KIF1A: variants seen among roughly 807,000 people sequenced by gnomAD.
KIF1A encodes kinesin family member 1A.
A neutral mutation model predicts 227.3 loss-of-function variants in KIF1A; 46 were observed. The observed-to-expected ratio is 0.20, with a 90% CI of 0.16 to 0.26. The LOEUF (loss-of-function observed/expected upper bound fraction) is 0.26. KIF1A is among the 10% of genes least tolerant of loss of function. The probability of loss-of-function intolerance (pLI) is 1.00; values close to 1 mark genes in which losing one functional copy is unlikely to be tolerated. For missense variants in KIF1A, 1,683 were observed against 2,485.9 expected (o/e 0.68, Z 6.87); for synonymous variants, 1,022 against 1,012.8 (o/e 1.01, Z -0.17).
Position 240,764,979 on chromosome 2 carries a change from G to A in KIF1A, c.1768+731C>T, listed in dbSNP as rs538362156. Among the ~76,000 whole-genome samples the A allele has an allele frequency of 1.6e-4, 25 of 152,164 alleles. No individual in the cohort carries two copies. The South Asian group carries it at 4.4e-3, about 27-fold the overall frequency. On this transcript the variant is annotated intron_variant, in intron 20 of 48. Coordinates refer to ENST00000498729, the MANE Select transcript of KIF1A (RefSeq NM_001244008.2). The stretch of plus-strand genomic sequence containing the variant: ...CACCTGCCCATGGATTTCAAACTTC[G>A]CTGACCAGCCCCACCATCTGATAAG...
At chr2:240,782,281 CGCGCCCCTT>C in intron 10 of KIF1A, 2 of 853,746 alleles carry the variant, frequency 2.3e-6, no homozygotes, top group Non-Finnish European at 2.8e-6. Context: ...GGGGCTCCTC[CGCGCCCCTT>C]TCAGCTCCTC....
rs563534053 is a variant in KIF1A, at chr2:240,787,107, G to A, written c.429+144C>T. On this transcript the variant is annotated intron_variant, in intron 5 of 48. Coordinates refer to ENST00000498729, the MANE Select transcript of KIF1A (RefSeq NM_001244008.2). Reference sequence around the variant, plus strand: ...GTCTCGAGCCCTGCCCAGGCCCGCCGTCTTGCCTGCCACTTGGATGAGTGA... The same window carrying A: ...GTCTCGAGCCCTGCCCAGGCCCGCCATCTTGCCTGCCACTTGGATGAGTGA... 3.4e-4 allele frequency: 239 copies of A among 693,324 alleles called. 1 individual carries two copies. Among genetic ancestry groups the A allele is most frequent in the African/African-American group, 1.7e-3 (100 of 57,210 alleles). The allele number at this position is 693,324 out of a possible 1,614,324, so 42.9% of individuals were successfully genotyped here.
intron 1 of KIF1A, among the ~76,000 whole-genome samples, chr2:240,815,233 T>C (rs948516204): frequency 6.6e-6 from 1 of 152,080 alleles, no homozygotes; most frequent in Non-Finnish European, 1.5e-5. Context: ...ACCTTGAGCA[T>C]TGACTGCCCA....
Position 240,719,895 on chromosome 2 carries a change from G to A in KIF1A, c.4900C>T (p.Pro1634Ser). The A allele has an allele frequency of 2.5e-6, 4 of 1,611,418 alleles. No homozygotes were observed. The highest frequency in any genetic ancestry group is 1.7e-5 in the Admixed American group (1 of 59,920). The stretch of plus-strand genomic sequence containing the variant: ...GCCTCTGGCAGCAGCTCGGGCTCTG[G>A]GCTGGCTGGCCGGGAGCAGGGCTGC... The part of the protein sequence containing the change: ...TPQPCSRPAS[P>S]EPELLPEADS... The change falls in exon 46 of 49, where the codon CCA (proline) becomes TCA (serine). Residue 1634 changes from proline (P) to serine (S), a missense_variant. Pro to Ser is a moderately conservative substitution (Grantham distance 74, BLOSUM62 -1). Coordinates refer to ENST00000498729, the MANE Select transcript of KIF1A (RefSeq NM_001244008.2).
chr2:240,772,627 A>T, intron 13 of KIF1A, 31 bp from the exon 14 acceptor site: 2 of 1,510,842 alleles, frequency 1.3e-6, no homozygotes, highest in Non-Finnish European at 1.8e-6. Flanking sequence ...GGGGAGGGGG[A>T]GAGACAGAGA....
In KIF1A at chr2:240,775,855, GT is replaced by G; in HGVS notation, c.953del (p.Asn318ThrfsTer14). ...DSVLTWLLRENLGGNSRTAMV... is the reference protein window; with the variant it reads ...DSVLTWLLREXLGGNSRTAMV... ...GGCAAACCCACAAGTTCTCACCCAG[GT>G]TTTCCCGGAGGAGCCAGGTCAACAC... is the stretch of plus-strand genomic sequence containing the variant. On this transcript the variant is annotated frameshift_variant, in exon 11 of 49. Coordinates refer to ENST00000498729, the MANE Select transcript of KIF1A (RefSeq NM_001244008.2). LOFTEE classifies it high-confidence loss of function. The surrounding 1 kb of genome is among the most constrained non-coding windows in gnomAD (Gnocchi z 5.5). 6.2e-7 allele frequency: 1 copy of G among 1,605,344 alleles called. No individual in the cohort carries two copies. Among genetic ancestry groups the G allele is most frequent in the Non-Finnish European group, 8.5e-7 (1 of 1,171,980 alleles).
At position 240,719,365 on chromosome 2, in the gene KIF1A, G is replaced by T. The variant is rs192844774; in HGVS notation, c.5022-167C>A. Among the ~76,000 whole-genome samples, 327 of 152,312 alleles carry T rather than the reference G, an allele frequency of 2.1e-3. 2 individuals carry two copies. The highest frequency in any genetic ancestry group is 7.5e-3 in the African/African-American group (313 of 41,576). ...CACCTGGCAGAACCCCAACCCAGCA[G>T]GCCGGAGACCAGACCACCAAGCCAG... On this transcript the variant is annotated intron_variant, in intron 46 of 48. Coordinates refer to ENST00000498729, the MANE Select transcript of KIF1A (RefSeq NM_001244008.2).
chr2:240,772,626 G>C, intron 13 of KIF1A, 30 bp from the exon 14 acceptor site: 2 of 1,509,636 alleles, frequency 1.3e-6, no homozygotes, highest in Non-Finnish European at 1.8e-6. Context: ...GGGGGAGGGG[G>C]AGAGACAGAG....
In KIF1A at chr2:240,714,686, G is replaced by C. The variant is rs2044452591; in HGVS notation, c.*2678C>G. 1 of 152,190 alleles carries C rather than the reference G, an allele frequency of 6.6e-6. No individual in the cohort carries two copies. The highest frequency in any genetic ancestry group is 1.5e-5 in the Non-Finnish European group (1 of 68,052). 9.4% of individuals were successfully genotyped at this position (152,190 alleles called of 1,614,324 possible). Reference sequence around the variant, plus strand: ...AGGAAGGCAGCTAACGTGGTCCCTAGGTGGTTTCTGGCAGAGCGAACTTTT... The same window carrying C: ...AGGAAGGCAGCTAACGTGGTCCCTACGTGGTTTCTGGCAGAGCGAACTTTT... On this transcript the variant is annotated 3_prime_UTR_variant, in exon 49 of 49. Coordinates refer to ENST00000498729, the MANE Select transcript of KIF1A (RefSeq NM_001244008.2).
intron 34 of KIF1A, 47 bp from the exon 35 acceptor site, chr2:240,741,424 T>C: frequency 2.1e-6 from 3 of 1,399,328 alleles, no homozygotes; most frequent in South Asian, 1.4e-5. Context: ...ACCTGACCTA[T>C]CACGTGCCAA....
chr2:240,723,333 G>A (rs1239413990), intron 42 of KIF1A, 80 bp downstream of exon 42: 14 of 1,382,712 alleles, frequency 1.0e-5, no homozygotes, highest in South Asian at 1.5e-5. Flanking sequence ...ACCAGGCCCT[G>A]GGCCCTCTCC....
At chr2:240,742,856 G>A (rs914241130) in intron 34 of KIF1A, 73 bp downstream of exon 34, 15 of 1,353,846 alleles carry the variant, frequency 1.1e-5, no homozygotes, top group Middle Eastern at 1.8e-4. Flanking sequence ...TTCACTGCGG[G>A]GGCCCAGCCC....
chr2:240,738,915 G>A (rs562279166), intron 37 of KIF1A, among the ~76,000 whole-genome samples: 5 of 152,312 alleles, frequency 3.3e-5, no homozygotes, highest in African/African-American at 9.6e-5. Context: ...CCCAGGGATC[G>A]TTCCTCAACT....
chr2:240,717,483 C>A, intron 48 of KIF1A, 77 bp from the exon 49 acceptor site: 1 of 1,399,304 alleles, frequency 7.1e-7, no homozygotes, highest in Non-Finnish European at 1.0e-6. Flanking sequence ...CCTGCACAGG[C>A]AGGCAGCCGT....
chr2:240,745,191 ACTATGAGCAGCTCCCAGGGG>A (rs1436002708), intron 32 of KIF1A, among the ~76,000 whole-genome samples: 4 of 152,114 alleles, frequency 2.6e-5, no homozygotes, highest in African/African-American at 9.7e-5. Context: ...CTCTATGCTC[ACTATGAGCAGCTCCCAGGGG>A]CTCTGAGCGG....
At chr2:240,747,495 G>A (rs758532570) in intron 28 of KIF1A, among the ~76,000 whole-genome samples, 174 bp from the exon 29 acceptor site, 11 of 152,126 alleles carry the variant, frequency 7.2e-5, no homozygotes, top group Non-Finnish European at 1.5e-4. Flanking sequence ...GGCATGTCCC[G>A]GCACACTGAC....
rs1247347089 is a variant in KIF1A at position 240,779,218 on chromosome 2, ACACTCAGTTCCACACTCAGTCCCT to A, written c.883-3316_883-3293del. The stretch of plus-strand genomic sequence containing the variant: ...TCCACACTCAGTTCCTCACAGTTCC[ACACTCAGTTCCACACTCAGTCCCT>A]CACTCAGTTCCACACTCAGTTCCTC... On this transcript the variant is annotated intron_variant, in intron 10 of 48. Coordinates refer to ENST00000498729, the MANE Select transcript of KIF1A (RefSeq NM_001244008.2). 1.7e-3 allele frequency among the ~76,000 whole-genome samples: 226 copies of A among 135,010 alleles called. 5 individuals carry two copies. The East Asian group carries it at 0.048, about 29-fold the overall frequency. 88.6% of individuals were successfully genotyped at this position (135,010 alleles called of 152,430 possible).
intron 28 of KIF1A, chr2:240,748,773 A>G: frequency 4.7e-6 from 1 of 213,642 alleles, no homozygotes; most frequent in South Asian, 5.4e-5. Context: ...ACAAGCAATG[A>G]CATGGCCAGT....
Position 240,758,628 on chromosome 2 carries a change from G to A in KIF1A, c.2445-131C>T, listed in dbSNP as rs953669834. On this transcript the variant is annotated intron_variant, in intron 25 of 48. Transcript: ENST00000498729. This position sits in a 1 kb window ranked among gnomAD's most constrained non-coding sequence, Gnocchi z 5.2. ...CCACATCCAGCTCAGGGTCATCAAG[G>A]TCCAGGGGGCTTGCTAGACAGACCC... 1 of 936,876 alleles carries A rather than the reference G, an allele frequency of 1.1e-6. No homozygotes were observed. The highest frequency in any genetic ancestry group is 1.5e-6 in the Non-Finnish European group (1 of 680,172). 58.0% of individuals were successfully genotyped at this position (936,876 alleles called of 1,614,324 possible). A position where few individuals can be genotyped will look rare whatever the true frequency, so the allele number is the denominator to read the frequency against.
Sources: allele counts gnomAD v4.1 joint callset (sites outside exome capture counted in the v4.1 genomes callset), GRCh38; gene constraint gnomAD v4.1.1; non-coding constraint Gnocchi (gnomAD v3.1); transcripts MANE v1.5; gene names NCBI Gene and HGNC (gene_info 2026-07-23, HGNC 2026-07-21).